The following GLRA3 variants were observed in gnomAD, a reference collection of about 807,000 sequenced individuals.
GLRA3 encodes glycine receptor subunit alpha-3.
Under a neutral mutation model 60.4 loss-of-function variants are expected in GLRA3, and 44 were observed. The observed-to-expected ratio is 0.73, with a 90% confidence interval of 0.57 to 0.94. The LOEUF (loss-of-function observed/expected upper bound fraction) is 0.94. Ranked by LOEUF, GLRA3 falls within the 40% of genes least tolerant of loss-of-function variation. GLRA3 has a pLI of 0.00. For missense variants in GLRA3, 508 were observed against 564.6 expected (o/e 0.90, Z 1.02); for synonymous variants, 223 against 192.9 (o/e 1.16, Z -1.29).
At chr4:174,799,455 C>G (rs903006476) in intron 1 of GLRA3, among the ~76,000 whole-genome samples, 11 of 152,098 alleles carry the variant, frequency 7.2e-5, no homozygotes, top group Non-Finnish European at 2.9e-5. Flanking sequence ...TTTGGGGTGG[C>G]AATAAATTCC....
At chr4:174,811,180 C>T (rs747201415) in intron 1 of GLRA3, among the ~76,000 whole-genome samples, 5 of 147,812 alleles carry the variant, frequency 3.4e-5, no homozygotes, top group South Asian at 4.3e-4. Flanking sequence ...GGTACTTCCC[C>T]GCCTGTTTTT....
chr4:174,656,838 T>C (rs780538781), intron 8 of GLRA3, 51 bp from the exon 9 acceptor site: 11 of 985,584 alleles, frequency 1.1e-5, no homozygotes, highest in Non-Finnish European at 1.3e-5. Context: ...AGAGAATCAA[T>C]TCATATATGA....
At chr4:174,710,815 G>T (rs961177128) in intron 5 of GLRA3, among the ~76,000 whole-genome samples, 5 of 151,416 alleles carry the variant, frequency 3.3e-5, no homozygotes, top group African/African-American at 1.2e-4. Flanking sequence ...ATTTCTCCAG[G>T]GATGTGTCTA....
intron 9 of GLRA3, among the ~76,000 whole-genome samples, chr4:174,655,092 T>C (rs1733150755): frequency 6.6e-6 from 1 of 152,164 alleles, no homozygotes; most frequent in African/African-American, 2.4e-5. Flanking sequence ...GACTATTTTA[T>C]TTACTTTGCC....
intron 9 of GLRA3, among the ~76,000 whole-genome samples, chr4:174,646,945 A>G (rs1263661590): frequency 1.3e-5 from 2 of 152,130 alleles, no homozygotes; most frequent in Non-Finnish European, 2.9e-5. Context: ...TGCTGATCCA[A>G]TCCGGTTTTG....
chr4:174,783,652 G>A (rs1738991101), intron 2 of GLRA3, among the ~76,000 whole-genome samples: 1 of 145,188 alleles, frequency 6.9e-6, no homozygotes, highest in East Asian at 2.0e-4. Flanking sequence ...ATCAAAAAGT[G>A]GGCGAAGGAC....
At chr4:174,662,951 C>T (rs541130457) in intron 7 of GLRA3, among the ~76,000 whole-genome samples, 1 of 150,974 alleles carries the variant, frequency 6.6e-6, no homozygotes, top group African/African-American at 2.4e-5. Flanking sequence ...AGTGAATGGA[C>T]AGATAAATGA....
At chr4:174,711,473 C>A (rs113629869) in intron 5 of GLRA3, among the ~76,000 whole-genome samples, 22,336 of 149,080 alleles carry the variant, frequency 0.15, 1,723 homozygotes, top group East Asian at 0.19. Flanking sequence ...GAGAGTCTCA[C>A]TCTGTCGCCC....
intron 3 of GLRA3, among the ~76,000 whole-genome samples, chr4:174,741,249 G>T (rs1202670424): frequency 6.6e-6 from 1 of 152,122 alleles, no homozygotes; most frequent in Non-Finnish European, 1.5e-5. Flanking sequence ...AGTAAATTCA[G>T]ATTTGTTTAA....
chr4:174,790,381 A>G (rs915160518), intron 1 of GLRA3, among the ~76,000 whole-genome samples: 1 of 148,748 alleles, frequency 6.7e-6, no homozygotes, highest in Non-Finnish European at 1.5e-5. Context: ...AATAATAAAT[A>G]TATTTTTTTA....
At chr4:174,826,910 G>T in intron 1 of GLRA3, among the ~76,000 whole-genome samples, 1 of 149,764 alleles carries the variant, frequency 6.7e-6, no homozygotes. Flanking sequence ...TCCTCTTTTG[G>T]GGGTCATCAC....
Position 174,784,195 on chromosome 4 carries a change from C to A in GLRA3, c.199+4621G>T, listed in dbSNP as rs575965259. Among the ~76,000 whole-genome samples, 6 of 75,544 alleles carry A rather than the reference C, an allele frequency of 7.9e-5. No homozygotes were observed. The South Asian group carries it at 2.3e-3, about 29-fold the overall frequency. The allele number at this position is 75,544 out of a possible 152,430, so 49.6% of individuals were successfully genotyped here. A position where few individuals can be genotyped will look rare whatever the true frequency, so the allele number is the denominator to read the frequency against. ...GGACATGGATGAAATTGGAAATCAT[C>A]ATTCTCAGTAAACTATCACAAGAAC... On this transcript the variant is annotated intron_variant, in intron 2 of 9. Coordinates refer to ENST00000274093, the MANE Select transcript of GLRA3 (RefSeq NM_006529.4).
chr4:174,737,934 A>T (rs1222061363), intron 3 of GLRA3, among the ~76,000 whole-genome samples: 1 of 152,216 alleles, frequency 6.6e-6, no homozygotes, highest in Non-Finnish European at 1.5e-5. Flanking sequence ...CATACAACTA[A>T]CTATGAAATG....
rs1022912386 is a variant in GLRA3, at chr4:174,706,196, C to G, written c.574+9292G>C. Among the ~76,000 whole-genome samples the G allele has an allele frequency of 2.6e-5, 4 of 151,700 alleles. No individual in the cohort carries two copies. In the East Asian group the frequency reaches 5.8e-4, roughly 22 times the overall value. On this transcript the variant is annotated intron_variant, in intron 5 of 9. Coordinates refer to ENST00000274093, the MANE Select transcript of GLRA3 (RefSeq NM_006529.4). ...AGTGAGCCGAGTTCACGCCACTGCACTCCAGCCTGGGCGAAAGGGCGAGAC... is the reference window on the plus strand; with the variant it reads ...AGTGAGCCGAGTTCACGCCACTGCAGTCCAGCCTGGGCGAAAGGGCGAGAC...
rs1005402805 is a variant in GLRA3 at position 174,642,331 on chromosome 4, CTTAATCT to C, written c.*1448_*1454del. On this transcript the variant is annotated 3_prime_UTR_variant, in exon 10 of 10. Coordinates refer to ENST00000274093, the MANE Select transcript of GLRA3 (RefSeq NM_006529.4). ...ATTGTACATCTGAGTTCATTGTTTT[CTTAATCT>C]TTAAAGTTTTCTCTGTGAATAATTT... The C allele has an allele frequency of 8.6e-5, 80 of 932,134 alleles. No individual in the cohort carries two copies. The African/African-American group carries it at 1.9e-3, about 23-fold the overall frequency. 57.7% of individuals were successfully genotyped at this position (932,134 alleles called of 1,614,324 possible). A position where few individuals can be genotyped will look rare whatever the true frequency, so the allele number is the denominator to read the frequency against.
chr4:174,771,440 T>C (rs1402335868), intron 2 of GLRA3, among the ~76,000 whole-genome samples: 2 of 151,998 alleles, frequency 1.3e-5, no homozygotes, highest in Non-Finnish European at 2.9e-5. Context: ...ACTAGACTCC[T>C]ACTATTTTCT....
chr4:174,778,877 G>C (rs897274952), intron 2 of GLRA3, among the ~76,000 whole-genome samples: 2 of 152,192 alleles, frequency 1.3e-5, no homozygotes, highest in East Asian at 3.8e-4. Flanking sequence ...ACTGCAAGGC[G>C]GCAGTGAGGC....
intron 5 of GLRA3, among the ~76,000 whole-genome samples, chr4:174,695,198 C>T (rs181433828): frequency 1.6e-4 from 25 of 151,770 alleles, no homozygotes; most frequent in African/African-American, 4.6e-4. Flanking sequence ...GAAGCTATTC[C>T]GAAAAATTGA....
At chr4:174,678,115 T>C (rs1004414220) in intron 6 of GLRA3, among the ~76,000 whole-genome samples, 13 of 152,184 alleles carry the variant, frequency 8.5e-5, no homozygotes, top group African/African-American at 2.9e-4. Context: ...TATTTCCCAT[T>C]AATAAATTTG....
Sources: allele counts gnomAD v4.1 joint callset (sites outside exome capture counted in the v4.1 genomes callset), GRCh38; gene constraint gnomAD v4.1.1; transcripts MANE v1.5; gene names NCBI Gene and HGNC (gene_info 2026-07-23, HGNC 2026-07-21).